Variants in PLEK observed in about 807,000 individuals in gnomAD.
The protein encoded by PLEK is pleckstrin, also known as platelet 47 kDa protein.
PLEK carries 25 observed loss-of-function variants against 43.9 expected under a neutral mutation model. The ratio of observed to expected loss-of-function variants is 0.57; its 90% CI spans 0.41 to 0.79. PLEK has a LOEUF of 0.79. Ranked by LOEUF, PLEK falls within the 30% of genes least tolerant of loss-of-function variation. PLEK has a pLI of 0.00. For missense variants in PLEK, 396 were observed against 413.3 expected, an observed-to-expected ratio of 0.96 and a Z score of 0.36; for synonymous variants, 152 against 144.4, an observed-to-expected ratio of 1.05 and a Z score of -0.38.
chr2:68,367,410 C>T (rs904019564), intron 1 of PLEK, among the ~76,000 whole-genome samples: 3 of 152,048 alleles, frequency 2.0e-5, no homozygotes, highest in African/African-American at 7.2e-5. Context: ...TTTTCTGATC[C>T]TCTCCCTTCT....
In PLEK at chr2:68,394,116, C is replaced by G. The variant is rs764469155; in HGVS notation, c.856C>G (p.Pro286Ala). 1.2e-6 allele frequency: 2 copies of G among 1,605,508 alleles called. No homozygotes were observed. Among genetic ancestry groups the G allele is most frequent in the South Asian group, 2.2e-5 (2 of 90,940 alleles). The change falls in exon 8 of 9, where the codon CCC becomes GCC. Residue 286 changes from proline to alanine, a missense_variant. By Grantham distance (27) the Pro-to-Ala change is conservative. Transcript: ENST00000234313. ...CTCCTTTCTTCTTTAGGCAGAAGAT[C>G]CCCTGGGAGCAATTCACTTGAGAGG... ...HYYDPAGAED[P>A]LGAIHLRGCV...
chr2:68,383,227 C>T (rs954102772), intron 4 of PLEK, among the ~76,000 whole-genome samples: 3 of 152,190 alleles, frequency 2.0e-5, no homozygotes, highest in Admixed American at 6.5e-5. Flanking sequence ...GTGCACCTAC[C>T]TCATAGGCTT....
chr2:68,390,055 T>C (rs1048887667), intron 6 of PLEK, among the ~76,000 whole-genome samples: 10 of 151,784 alleles, frequency 6.6e-5, no homozygotes, highest in Non-Finnish European at 1.2e-4. Flanking sequence ...GTAGATAAAG[T>C]TGGGACTGGA....
chr2:68,377,524 A>G (rs1171169748), intron 1 of PLEK, among the ~76,000 whole-genome samples: 1 of 152,146 alleles, frequency 6.6e-6, no homozygotes, highest in Non-Finnish European at 1.5e-5. Flanking sequence ...ATGATCAGTG[A>G]TGTTGAGCAC....
Position 68,380,374 on chromosome 2 carries a change from A to G in PLEK, c.89A>G (p.Glu30Gly), listed in dbSNP as rs762374057. 18 of 1,613,596 alleles carry G rather than the reference A, an allele frequency of 1.1e-5. No homozygotes were observed. The highest frequency in any genetic ancestry group is 1.4e-5 in the Non-Finnish European group (16 of 1,179,642). ...AAACCCATGTGGGTTGTATTGTTAG[A>G]AGATGGAATTGAATTCTATAAGAAG... ...TWKPMWVVLL[E>G]DGIEFYKKKS... Residue 30 changes from glutamate (E) to glycine (G), a missense_variant, in exon 2 of 9, where the codon GAA (glutamate) becomes GGA (glycine). Transcript: ENST00000234313.
At chr2:68,366,430 A>C (rs976415638) in intron 1 of PLEK, among the ~76,000 whole-genome samples, 1 of 152,222 alleles carries the variant, frequency 6.6e-6, no homozygotes, top group Non-Finnish European at 1.5e-5. Context: ...TTTGCAGAAG[A>C]GGAGACAGAC....
At chr2:68,373,823 G>A (rs1673453583) in intron 1 of PLEK, among the ~76,000 whole-genome samples, 1 of 152,188 alleles carries the variant, frequency 6.6e-6, no homozygotes, top group African/African-American at 2.4e-5. Flanking sequence ...CTAGCTCTGA[G>A]AACATGTCTT....
chr2:68,378,433 C>T lies in PLEK; in HGVS notation c.43-1895C>T, dbSNP rs371591646. Among the ~76,000 whole-genome samples, 6 of 152,318 alleles carry T rather than the reference C, an allele frequency of 3.9e-5. No individual in the cohort carries two copies. The South Asian group carries it at 6.2e-4, about 16-fold the overall frequency. On this transcript the variant is annotated intron_variant, in intron 1 of 8. Coordinates refer to ENST00000234313, the MANE Select transcript of PLEK (RefSeq NM_002664.3). ...ATTCTTCACAATCCCAAACCTTATT[C>T]CACCAGAAGAGAAACCAAAGGGAAG...
chr2:68,379,888 A>G (rs551907232), intron 1 of PLEK, among the ~76,000 whole-genome samples: 2 of 152,340 alleles, frequency 1.3e-5, no homozygotes, highest in East Asian at 3.9e-4. Flanking sequence ...AAAGATAACC[A>G]TACTGAAGAC....
At chr2:68,389,131 A>G (rs939227912) in intron 6 of PLEK, among the ~76,000 whole-genome samples, 1 of 152,228 alleles carries the variant, frequency 6.6e-6, no homozygotes, top group Non-Finnish European at 1.5e-5. Context: ...CTAGTCGGTT[A>G]CCAGGTGCCA....
intron 7 of PLEK, among the ~76,000 whole-genome samples, chr2:68,393,460 G>T (rs1166834332): frequency 6.6e-6 from 1 of 152,022 alleles, no homozygotes; most frequent in East Asian, 1.9e-4. Flanking sequence ...CTTAGGGATG[G>T]AACAAAATAT....
intron 8 of PLEK, among the ~76,000 whole-genome samples, chr2:68,395,384 G>T (rs1009331807): frequency 2.6e-5 from 4 of 151,998 alleles, no homozygotes; most frequent in Admixed American, 1.3e-4. Context: ...ACAAAGGTGA[G>T]AAATTTAGTT....
At chr2:68,393,274 C>G in intron 7 of PLEK, 29 bp downstream of exon 7, 2 of 1,376,800 alleles carry the variant, frequency 1.5e-6, no homozygotes, top group Non-Finnish European at 1.0e-6. Flanking sequence ...TAAATCCATT[C>G]AAATAAATAA....
chr2:68,388,553 A>G, intron 6 of PLEK, 62 bp downstream of exon 6: 7 of 869,234 alleles, frequency 8.1e-6, no homozygotes, highest in Non-Finnish European at 1.4e-5. Flanking sequence ...TTTGTTTCTA[A>G]GTTACCCAGT....
intron 8 of PLEK, 141 bp from the exon 9 acceptor site, chr2:68,395,539 C>A: frequency 1.2e-6 from 1 of 812,112 alleles, no homozygotes; most frequent in Non-Finnish European, 2.1e-6. Context: ...ATAATCATAC[C>A]TTGTTTGTAT....
Position 68,385,636 on chromosome 2 carries a change from G to A in PLEK, c.473-866G>A, listed in dbSNP as rs143713509. Among the ~76,000 whole-genome samples the A allele has an allele frequency of 3.4e-3, 512 of 151,350 alleles. 3 individuals are homozygous for A. The highest frequency in any genetic ancestry group is 0.012 in the African/African-American group (474 of 41,184). On this transcript the variant is annotated intron_variant, in intron 4 of 8. Transcript: ENST00000234313. ...CCCCATGGGGCTGCTTTATGCCTGA[G>A]TGCATCTGTTCACACTGCTGCCCCC...
chr2:68,372,695 G>GCA (rs138386773), intron 1 of PLEK, among the ~76,000 whole-genome samples: 6 of 151,198 alleles, frequency 4.0e-5, no homozygotes, highest in East Asian at 1.9e-4. Context: ...ACACACACAT[G>GCA]CACACACACA....
intron 1 of PLEK, among the ~76,000 whole-genome samples, chr2:68,373,605 G>A (rs1487530416): frequency 1.3e-5 from 2 of 150,958 alleles, no homozygotes; most frequent in Non-Finnish European, 3.0e-5. Flanking sequence ...AAAAAGAAAA[G>A]CACAAACTCA....
At chr2:68,367,750 G>T (rs1405071125) in intron 1 of PLEK, among the ~76,000 whole-genome samples, 1 of 152,166 alleles carries the variant, frequency 6.6e-6, no homozygotes, top group Admixed American at 6.5e-5. Flanking sequence ...TGGTTCCTGG[G>T]TTGGTTGCCA....
Sources: allele counts gnomAD v4.1 joint callset (sites outside exome capture counted in the v4.1 genomes callset), GRCh38; gene constraint gnomAD v4.1.1; transcripts MANE v1.5; gene names NCBI Gene and HGNC (gene_info 2026-07-23, HGNC 2026-07-21).